Variants in ZCCHC14 observed in about 807,000 individuals in gnomAD.
The protein encoded by ZCCHC14 is zinc finger CCHC domain-containing protein 14.
A neutral mutation model predicts 85.0 loss-of-function variants in ZCCHC14; 16 were observed. That is an observed-to-expected ratio of 0.19 (90% CI 0.13 to 0.29). The LOEUF is 0.29. Ranked by LOEUF, ZCCHC14 falls within the 10% of genes least tolerant of loss-of-function variation. ZCCHC14 has a pLI of 1.00. For synonymous variants in ZCCHC14, 775 were observed against 630.7 expected, an observed-to-expected ratio of 1.23 and a Z score of -3.43; for missense variants, 1,303 against 1,443.5, an observed-to-expected ratio of 0.90 and a Z score of 1.58.
chr16:87,424,700 CT>C (rs1201443608), intron 3 of ZCCHC14, among the ~76,000 whole-genome samples: 31 of 152,070 alleles, frequency 2.0e-4, no homozygotes, highest in Non-Finnish European at 1.5e-5. Context: ...GGAGAGCGTA[CT>C]TTTTGCACAT....
chr16:87,447,702 T>C (rs1421504248), intron 2 of ZCCHC14, among the ~76,000 whole-genome samples: 2 of 152,250 alleles, frequency 1.3e-5, no homozygotes, highest in Non-Finnish European at 2.9e-5. Flanking sequence ...TACGCTTTCA[T>C]TTCTTTGGGA....
In ZCCHC14 at chr16:87,411,740, C is replaced by T; in HGVS notation, c.2981G>A (p.Ser994Asn). The T allele has an allele frequency of 6.2e-7, 1 of 1,612,862 alleles. No homozygotes were observed. Among genetic ancestry groups the T allele is most frequent in the Non-Finnish European group, 8.5e-7 (1 of 1,179,018 alleles). ...FPVVHAPYSSSGTPDPVLSGQ... is the reference protein window; with the variant it reads ...FPVVHAPYSSNGTPDPVLSGQ... ...ACTCAGGACAGGGTCTGGGGTCCCG[C>T]TGCTGCTGTAAGGGGCGTGCACGAC... The change falls in exon 12 of 13, where the codon AGC (serine) becomes AAC (asparagine). Residue 994 changes from serine (S) to asparagine (N), a missense_variant. Coordinates refer to ENST00000671377, the MANE Select transcript of ZCCHC14 (RefSeq NM_015144.3).
At chr16:87,418,956 T>G in intron 6 of ZCCHC14, 55 bp from the exon 7 acceptor site, 1 of 1,482,170 alleles carries the variant, frequency 6.7e-7, no homozygotes, top group East Asian at 2.5e-5. Flanking sequence ...AAATATTTGT[T>G]TTATTTTATT....
At chr16:87,455,875 T>C (rs1910933120) in intron 2 of ZCCHC14, among the ~76,000 whole-genome samples, 1 of 152,232 alleles carries the variant, frequency 6.6e-6, no homozygotes, top group African/African-American at 2.4e-5. Flanking sequence ...GTGTGTTAGA[T>C]AATTTTGCCC....
In ZCCHC14 at chr16:87,413,129, G is replaced by T; in HGVS notation, c.1670C>A (p.Ser557Tyr). The T allele has an allele frequency of 6.2e-7, 1 of 1,612,458 alleles. No individual in the cohort carries two copies. Among genetic ancestry groups the T allele is most frequent in the East Asian group, 2.2e-5 (1 of 44,784 alleles). ...LPREGSSSEY[S>Y]SSSSSPMGVQ... ...CCCCATGGGGCTGGAGGAGGAGCTG[G>T]AGTACTCCGAGGAACTGCCTTCCCG... The change falls in exon 11 of 13, where the codon TCC becomes TAC. Residue 557 changes from serine (S) to tyrosine (Y), a missense_variant. This residue lies in a region of ZCCHC14 where 797 missense variants were observed against 730.8 expected (regional missense o/e 1.09). Transcript: ENST00000671377.
chr16:87,455,969 C>G (rs78378880), intron 2 of ZCCHC14, among the ~76,000 whole-genome samples: 2,466 of 152,338 alleles, frequency 0.016, 24 homozygotes, highest in Middle Eastern at 0.048. Context: ...GGTGTATTCA[C>G]TGCATTGCAA....
chr16:87,425,968 T>G (rs1035864250), intron 3 of ZCCHC14, among the ~76,000 whole-genome samples: 3 of 152,194 alleles, frequency 2.0e-5, no homozygotes, highest in Non-Finnish European at 4.4e-5. Flanking sequence ...TTTCCAACAG[T>G]TATGCACTTT....
intron 7 of ZCCHC14, 112 bp from the exon 8 acceptor site, chr16:87,417,854 G>T: frequency 7.4e-7 from 1 of 1,347,234 alleles, no homozygotes; most frequent in South Asian, 1.5e-5. Context: ...CTCTTGGCCG[G>T]CCCTGTTGTC....
intron 4 of ZCCHC14, among the ~76,000 whole-genome samples, chr16:87,421,141 G>C (rs895568129): frequency 2.0e-5 from 3 of 152,238 alleles, no homozygotes; most frequent in African/African-American, 7.2e-5. Context: ...CGGAGCCCCA[G>C]GCGGGGCAAG....
chr16:87,418,431 T>C (rs1908910692), intron 7 of ZCCHC14, among the ~76,000 whole-genome samples: 1 of 152,184 alleles, frequency 6.6e-6, no homozygotes, highest in Admixed American at 6.5e-5. Flanking sequence ...GCGTGTGCAC[T>C]GATCTGTGAC....
chr16:87,438,770 G>C (rs1910050348), intron 2 of ZCCHC14, among the ~76,000 whole-genome samples: 2 of 152,162 alleles, frequency 1.3e-5, no homozygotes, highest in Non-Finnish European at 2.9e-5. Context: ...ATTCACAGGA[G>C]GCCCGGGCCC....
rs183795794 is a variant in ZCCHC14 at position 87,488,743 on chromosome 16, A to T, written c.570+2926T>A. On this transcript the variant is annotated intron_variant, in intron 1 of 12. Transcript: ENST00000671377. ...CAAGTGTGTGCCACCACTCCTGGCT[A>T]ATTTTTGTATTTTTTGTAGAGACAG... Among the ~76,000 whole-genome samples, 35 of 152,248 alleles carry T rather than the reference A, an allele frequency of 2.3e-4. 1 individual carries two copies. The East Asian group carries it at 6.8e-3, about 29-fold the overall frequency.
chr16:87,413,136 C>G lies in ZCCHC14; in HGVS notation c.1663G>C (p.Glu555Gln). 6.2e-7 allele frequency: 1 copy of G among 1,611,394 alleles called. No individual in the cohort carries two copies. Among genetic ancestry groups the G allele is most frequent in the Non-Finnish European group, 8.5e-7 (1 of 1,178,834 alleles). The change falls in exon 11 of 13, where the codon GAG becomes CAG. Residue 555 changes from glutamate to glutamine, a missense_variant. Glu to Gln is a conservative substitution (Grantham distance 29, BLOSUM62 2). Around this residue, in one of 7 missense-constraint regions of ZCCHC14, gnomAD observed 797 missense variants for 730.8 expected, o/e 1.09. Coordinates refer to ENST00000671377, the MANE Select transcript of ZCCHC14 (RefSeq NM_015144.3). ...HQLPREGSSS[E>Q]YSSSSSSPMG... ...GGGCTGGAGGAGGAGCTGGAGTACT[C>G]CGAGGAACTGCCTTCCCGGGGCAGC...
chr16:87,467,524 A>T (rs1226765860), intron 1 of ZCCHC14: 1 of 1,604,672 alleles, frequency 6.2e-7, no homozygotes, highest in African/African-American at 1.3e-5. Context: ...CTTTCTCAAC[A>T]GTAGGATCAG....
intron 1 of ZCCHC14, among the ~76,000 whole-genome samples, chr16:87,487,479 G>A (rs1912560643): frequency 6.6e-6 from 1 of 152,136 alleles, no homozygotes; most frequent in South Asian, 2.1e-4. Flanking sequence ...GCTCTGTACT[G>A]ACAGCACAGA....
intron 3 of ZCCHC14, among the ~76,000 whole-genome samples, chr16:87,431,384 A>G (rs1267338039): frequency 1.3e-5 from 2 of 151,238 alleles, no homozygotes; most frequent in African/African-American, 4.9e-5. Context: ...GAGGCAGGAA[A>G]ATGGTGTGAA....
intron 2 of ZCCHC14, among the ~76,000 whole-genome samples, chr16:87,438,806 T>C (rs1025547487): frequency 6.6e-6 from 1 of 152,140 alleles, no homozygotes; most frequent in African/African-American, 2.4e-5. Context: ...CCGGTCTTCC[T>C]CCCGCTACAG....
intron 1 of ZCCHC14, among the ~76,000 whole-genome samples, chr16:87,487,438 C>A (rs1230803284): frequency 6.6e-6 from 1 of 152,218 alleles, no homozygotes; most frequent in Admixed American, 6.5e-5. Context: ...CTCCCCCATA[C>A]CTGTCGCTGA....
intron 1 of ZCCHC14, among the ~76,000 whole-genome samples, chr16:87,486,294 CA>C (rs1186759880): frequency 1.3e-5 from 2 of 151,994 alleles, no homozygotes; most frequent in African/African-American, 4.8e-5. Context: ...ACTGACAGAC[CA>C]CACGGACCAG....
Sources: allele counts gnomAD v4.1 joint callset (sites outside exome capture counted in the v4.1 genomes callset), GRCh38; gene constraint gnomAD v4.1.1; regional missense constraint gnomAD v4.1.1; transcripts MANE v1.5; gene names NCBI Gene and HGNC (gene_info 2026-07-23, HGNC 2026-07-21).